Variants in ARHGEF28 observed in about 807,000 individuals in gnomAD.
The protein encoded by ARHGEF28 is Rho guanine nucleotide exchange factor 28, also known as 190 kDa guanine nucleotide exchange factor.
A neutral mutation model predicts 206.6 loss-of-function variants in ARHGEF28; 152 were observed. The observed-to-expected ratio is 0.74, with a 90% confidence interval of 0.64 to 0.84. The LOEUF is 0.84. Ranked by LOEUF, ARHGEF28 falls within the 40% of genes least tolerant of loss-of-function variation. The pLI, the probability that ARHGEF28 is intolerant of heterozygous loss-of-function variation, is 0.00. For missense variants in ARHGEF28, 2,028 were observed against 2,073.2 expected (o/e 0.98, Z 0.42); for synonymous variants, 763 against 776.4 (o/e 0.98, Z 0.29).
At chr5:73,737,129 T>C (rs373149056) in intron 2 of ARHGEF28, among the ~76,000 whole-genome samples, 3 of 152,228 alleles carry the variant, frequency 2.0e-5, no homozygotes, top group East Asian at 3.9e-4. Context: ...CCGAGGTGCT[T>C]CTTTGGCCCT....
At chr5:73,741,341 A>ATGTGTGTGTG (rs369851573) in intron 2 of ARHGEF28, among the ~76,000 whole-genome samples, 12 of 66,164 alleles carry the variant, frequency 1.8e-4, no homozygotes, top group African/African-American at 6.4e-4. Flanking sequence ...TTAAATTTAT[A>ATGTGTGTGTG]TGTGTGTGTG....
intron 35 of ARHGEF28, 32 bp from the exon 36 acceptor site, chr5:73,940,812 C>T (rs1388997508): frequency 1.4e-6 from 2 of 1,408,544 alleles, no homozygotes; most frequent in East Asian, 2.7e-5. Flanking sequence ...CTCAGGTGGC[C>T]TCCTGTAACC....
intron 11 of ARHGEF28, among the ~76,000 whole-genome samples, chr5:73,841,728 A>G (rs909567320): frequency 2.6e-4 from 38 of 145,074 alleles, no homozygotes; most frequent in African/African-American, 9.0e-4. Context: ...AAAAAAAAAA[A>G]GAGAGAAAAA....
At chr5:73,867,543 G>A (rs1759787370) in intron 18 of ARHGEF28, among the ~76,000 whole-genome samples, 1 of 152,202 alleles carries the variant, frequency 6.6e-6, no homozygotes, top group East Asian at 1.9e-4. Flanking sequence ...ACTATTTAAA[G>A]CTGGCTGTAA....
At chr5:73,648,309 T>G (rs956276051) in intron 1 of ARHGEF28, among the ~76,000 whole-genome samples, 3 of 152,218 alleles carry the variant, frequency 2.0e-5, no homozygotes, top group Non-Finnish European at 4.4e-5. Context: ...TGAATGTTGC[T>G]TCTGTGGAGG....
At chr5:73,650,917 A>G (rs1362387752) in intron 1 of ARHGEF28, among the ~76,000 whole-genome samples, 1 of 152,144 alleles carries the variant, frequency 6.6e-6, no homozygotes, top group Non-Finnish European at 1.5e-5. Flanking sequence ...CCAAAGTTAT[A>G]AATACCTTCT....
intron 4 of ARHGEF28, among the ~76,000 whole-genome samples, chr5:73,764,894 CT>C (rs1407539581): frequency 6.6e-6 from 1 of 152,184 alleles, no homozygotes; most frequent in Non-Finnish European, 1.5e-5. Flanking sequence ...AGGCACAACC[CT>C]TTTCTCATTC....
rs756782353 is a variant in ARHGEF28, at chr5:73,886,060, A to G, written c.3266A>G (p.Tyr1089Cys). 3.1e-6 allele frequency: 5 copies of G among 1,613,768 alleles called. No homozygotes were observed. Among genetic ancestry groups the G allele is most frequent in the South Asian group, 1.1e-5 (1 of 90,962 alleles). Residue 1089 changes from tyrosine (Y) to cysteine (C), a missense_variant, in exon 25 of 36, where the codon TAT becomes TGT. Tyr to Cys is a radical substitution (Grantham distance 194, BLOSUM62 -2). Transcript: ENST00000513042. ...ATGAGTGAAGAAAGGACTCTGTTAT[A>G]TGATGGCCTTGTTTACTGGAAAACT... ...ALMSEERTLL[Y>C]DGLVYWKTAT... is the part of the protein sequence containing the mutation.
intron 1 of ARHGEF28, chr5:73,627,040 TGCTCAGGCGGCCCTGGATACCCA>T (rs1350832594): frequency 6.6e-6 from 1 of 152,190 alleles, no homozygotes; most frequent in African/African-American, 2.4e-5. Flanking sequence ...GGAAACTGGG[TGCTCAGGCGGCCCTGGATACCCA>T]GCTTTGGTTT....
In ARHGEF28 at chr5:73,848,968, T is replaced by G. The variant is rs781411386; in HGVS notation, c.1636-8T>G. On this transcript the variant is annotated splice_polypyrimidine_tract_variant and splice_region_variant and intron_variant, in intron 12 of 35. Coordinates refer to ENST00000513042, the MANE Select transcript of ARHGEF28 (RefSeq NM_001177693.2). The stretch of plus-strand genomic sequence containing the variant: ...AATTTTTAAACACTTTATTATAATC[T>G]CTTTTAGGAATCACTGCTTTCTGGA... The G allele has an allele frequency of 1.3e-6, 2 of 1,522,102 alleles. No homozygotes were observed. The highest frequency in any genetic ancestry group is 1.8e-6 in the Non-Finnish European group (2 of 1,119,622). The allele number at this position is 1,522,102 out of a possible 1,614,324, so 94.3% of individuals were successfully genotyped here.
Position 73,658,962 on chromosome 5 carries a change from TACACACACACAC to T in ARHGEF28, c.-11-25846_-11-25835del, listed in dbSNP as rs55877309. On this transcript the variant is annotated intron_variant, in intron 1 of 35. Transcript: ENST00000513042. ...TAGACAGGTCTGTGATGCATGCAGGTACACACACACACACACACACACACACACACACACACA... is the reference window on the plus strand; with the variant it reads ...TAGACAGGTCTGTGATGCATGCAGGTACACACACACACACACACACACACA... Among the ~76,000 whole-genome samples, 46 of 124,844 alleles carry T rather than the reference TACACACACACAC, an allele frequency of 3.7e-4. No homozygotes were observed. The East Asian group carries it at 4.4e-3, about 12-fold the overall frequency. The allele number at this position is 124,844 out of a possible 152,430, so 81.9% of individuals were successfully genotyped here. A position where few individuals can be genotyped will look rare whatever the true frequency, so the allele number is the denominator to read the frequency against.
At chr5:73,869,961 T>A (rs1561471714) in intron 20 of ARHGEF28, 108 bp from the exon 21 acceptor site, 2 of 1,325,744 alleles carry the variant, frequency 1.5e-6, no homozygotes, top group South Asian at 1.5e-5. Context: ...GTAGTTTCCA[T>A]GTTCATAGCA....
chr5:73,797,980 T>C (rs1754921449), intron 9 of ARHGEF28, among the ~76,000 whole-genome samples: 1 of 152,246 alleles, frequency 6.6e-6, no homozygotes, highest in Non-Finnish European at 1.5e-5. Context: ...TTTTTAATTA[T>C]CTAATTTTAT....
intron 26 of ARHGEF28, among the ~76,000 whole-genome samples, chr5:73,890,597 T>A (rs1761565441): frequency 1.3e-5 from 2 of 152,216 alleles, no homozygotes; most frequent in Admixed American, 6.5e-5. Context: ...ACTCTCATGC[T>A]ACTCTGAGAA....
chr5:73,692,032 T>C (rs925124033), intron 2 of ARHGEF28, among the ~76,000 whole-genome samples: 2 of 152,232 alleles, frequency 1.3e-5, no homozygotes, highest in African/African-American at 4.8e-5. Context: ...TTCAGAAATA[T>C]TTAATGTCTA....
intron 1 of ARHGEF28, among the ~76,000 whole-genome samples, chr5:73,676,486 G>A (rs533448815): frequency 6.6e-6 from 1 of 152,174 alleles, no homozygotes; most frequent in South Asian, 2.1e-4. Flanking sequence ...TGATCCACCC[G>A]CCTCAGACTC....
intron 1 of ARHGEF28, among the ~76,000 whole-genome samples, chr5:73,670,064 A>C (rs1746214051): frequency 6.6e-6 from 1 of 152,220 alleles, no homozygotes. Context: ...ATGTATCTAC[A>C]ACCACAGCCA....
intron 2 of ARHGEF28, among the ~76,000 whole-genome samples, chr5:73,735,540 G>T (rs890504831): frequency 1.3e-5 from 2 of 152,048 alleles, no homozygotes; most frequent in Non-Finnish European, 2.9e-5. Context: ...CTAATCTCTA[G>T]GTTATTTTTG....
intron 11 of ARHGEF28, among the ~76,000 whole-genome samples, chr5:73,845,539 A>G (rs924311619): frequency 9.2e-5 from 14 of 152,126 alleles, no homozygotes; most frequent in Non-Finnish European, 1.2e-4. Flanking sequence ...AATCCCCCCC[A>G]GAAGCTTCCC....
Sources: allele counts gnomAD v4.1 joint callset (sites outside exome capture counted in the v4.1 genomes callset), GRCh38; gene constraint gnomAD v4.1.1; transcripts MANE v1.5; gene names NCBI Gene and HGNC (gene_info 2026-07-23, HGNC 2026-07-21).